The following SMURF1 variants were observed in gnomAD, a reference collection of about 807,000 sequenced individuals.
The protein encoded by SMURF1 is E3 ubiquitin-protein ligase SMURF1.
In SMURF1, 44 loss-of-function variants were observed where a neutral mutation model predicts 98.0. That is an observed-to-expected ratio of 0.45 (90% CI 0.35 to 0.58). The LOEUF (loss-of-function observed/expected upper bound fraction) is 0.58, where lower values mean the gene tolerates loss of function less well. SMURF1 is among the 20% of genes least tolerant of loss of function. The pLI is 0.00. For missense variants in SMURF1, 687 were observed against 938.4 expected (o/e 0.73, Z 3.50); for synonymous variants, 396 against 374.9 (o/e 1.06, Z -0.65).
At position 99,041,871 on chromosome 7, in the gene SMURF1, T is replaced by C. The variant is rs896260070; in HGVS notation, c.1371+247A>G. Among the ~76,000 whole-genome samples, 25 of 152,186 alleles carry C rather than the reference T, an allele frequency of 1.6e-4. 1 individual carries two copies. Among genetic ancestry groups the C allele is most frequent in the Non-Finnish European group, 4.4e-5 (3 of 68,030 alleles). ...CCCTCAAATGATCACAAAGTGTGAG[T>C]GTATGAACAGCTCAGTTTCACCCTT... On this transcript the variant is annotated intron_variant, in intron 12 of 17. Transcript: ENST00000361368.
chr7:99,050,903 G>C, intron 8 of SMURF1: 4 of 1,265,518 alleles, frequency 3.2e-6, no homozygotes, highest in Non-Finnish European at 3.3e-6. Context: ...GTGGGGGGGG[G>C]GTCTCTCTAA....
chr7:99,051,508 C>T (rs1584461056), intron 7 of SMURF1, 67 bp from the exon 8 acceptor site: 7 of 1,216,328 alleles, frequency 5.8e-6, no homozygotes, highest in East Asian at 2.3e-5. Context: ...AACCAACCCT[C>T]GATGCCCTCA....
chr7:99,061,516 A>G, intron 2 of SMURF1, among the ~76,000 whole-genome samples: 1 of 152,252 alleles, frequency 6.6e-6, no homozygotes, highest in East Asian at 1.9e-4. Context: ...ATCATCCAGC[A>G]GAAAGCAATA....
chr7:99,067,823 G>A (rs1380940297), intron 1 of SMURF1, among the ~76,000 whole-genome samples: 3 of 151,992 alleles, frequency 2.0e-5, no homozygotes, highest in Non-Finnish European at 4.4e-5. Context: ...GCGTGGTGGC[G>A]GGTACCTGTA....
At chr7:99,101,142 G>T (rs576314335) in intron 1 of SMURF1, among the ~76,000 whole-genome samples, 53 of 152,228 alleles carry the variant, frequency 3.5e-4, no homozygotes, top group Non-Finnish European at 2.4e-4. Context: ...AATATGGGGG[G>T]GTAGGGAATA....
At chr7:99,065,170 T>G (rs1057419093) in intron 1 of SMURF1, among the ~76,000 whole-genome samples, 1 of 151,924 alleles carries the variant, frequency 6.6e-6, no homozygotes, top group Non-Finnish European at 1.5e-5. Context: ...CACAGCTCAC[T>G]GCAGCCTTGA....
chr7:99,103,667 T>C (rs1198720681), intron 1 of SMURF1, among the ~76,000 whole-genome samples: 1 of 152,184 alleles, frequency 6.6e-6, no homozygotes, highest in Non-Finnish European at 1.5e-5. Context: ...ACAACTTATT[T>C]TATCAATGCT....
At chr7:99,113,837 T>TAAAAAAAAAAAAA (rs71118659) in intron 1 of SMURF1, among the ~76,000 whole-genome samples, 1 of 33,950 alleles carries the variant, frequency 2.9e-5, no homozygotes, top group African/African-American at 1.5e-4. Flanking sequence ...AGACTCCGTC[T>TAAAAAAAAAAAAA]AAAAAAAAAA....
intron 1 of SMURF1, among the ~76,000 whole-genome samples, chr7:99,110,688 C>T (rs1797298382): frequency 6.6e-6 from 1 of 152,346 alleles, no homozygotes; most frequent in East Asian, 1.9e-4. Context: ...TTTTTAAATG[C>T]ATGTGCCGTT....
intron 1 of SMURF1, among the ~76,000 whole-genome samples, chr7:99,131,881 A>G (rs981087482): frequency 6.6e-6 from 1 of 152,152 alleles, no homozygotes; most frequent in African/African-American, 2.4e-5. Context: ...GTCTCTCCCA[A>G]GCACTCAGGT....
intron 1 of SMURF1, among the ~76,000 whole-genome samples, chr7:99,119,797 A>AGGAGAAAGAGAGATT (rs1797557999): frequency 6.6e-6 from 1 of 152,198 alleles, no homozygotes; most frequent in Non-Finnish European, 1.5e-5. Context: ...CTATGATTCA[A>AGGAGAAAGAGAGATT]GGAGAAAGAG....
At chr7:99,067,159 G>A (rs368347872) in intron 1 of SMURF1, among the ~76,000 whole-genome samples, 4 of 151,474 alleles carry the variant, frequency 2.6e-5, no homozygotes, top group Non-Finnish European at 4.4e-5. Context: ...CACCATGCCC[G>A]GCTAATTTTT....
chr7:99,035,025 C>T (rs888664776), intron 16 of SMURF1, among the ~76,000 whole-genome samples: 1 of 152,198 alleles, frequency 6.6e-6, no homozygotes, highest in African/African-American at 2.4e-5. Flanking sequence ...GGCAGATGGG[C>T]ACCTTTCGCA....
chr7:99,045,949 C>T, intron 10 of SMURF1, 148 bp from the exon 11 acceptor site: 1 of 630,666 alleles, frequency 1.6e-6, no homozygotes, highest in East Asian at 2.8e-5. Flanking sequence ...TCTTCGGCAT[C>T]TAGTATATTC....
At chr7:99,122,773 T>C (rs1797668636) in intron 1 of SMURF1, among the ~76,000 whole-genome samples, 1 of 114,540 alleles carries the variant, frequency 8.7e-6, no homozygotes, top group Admixed American at 9.3e-5. Flanking sequence ...TTTTTTTACA[T>C]AATTAAAATT....
At chr7:99,133,221 GC>G (rs1397844656) in intron 1 of SMURF1, among the ~76,000 whole-genome samples, 1 of 151,938 alleles carries the variant, frequency 6.6e-6, no homozygotes, top group Admixed American at 6.6e-5. Context: ...GCATTATTTT[GC>G]CCTTACTTTT....
At chr7:99,112,523 G>A (rs1797347013) in intron 1 of SMURF1, among the ~76,000 whole-genome samples, 1 of 152,040 alleles carries the variant, frequency 6.6e-6, no homozygotes, top group Non-Finnish European at 1.5e-5. Flanking sequence ...ACAGGGAGGG[G>A]GAGCATCTCA....
rs1320946379 is a variant in SMURF1, at chr7:99,059,340, G to C, written c.203+1259C>G. Among the ~76,000 whole-genome samples the C allele has an allele frequency of 4.1e-5, 6 of 146,660 alleles. No homozygotes were observed. The East Asian group carries it at 1.2e-3, about 29-fold the overall frequency. ...GTGAACCCGGGAGGCGGAGCTTGCA[G>C]TGAGCCGAGATCCCGCCACTGCACT... On this transcript the variant is annotated intron_variant, in intron 3 of 17. Coordinates refer to ENST00000361368, the MANE Select transcript of SMURF1 (RefSeq NM_181349.3).
chr7:99,030,473 T>C lies in SMURF1; in HGVS notation c.*111A>G, dbSNP rs1041879847. 35 of 887,290 alleles carry C rather than the reference T, an allele frequency of 3.9e-5. No homozygotes were observed. The highest frequency in any genetic ancestry group is 5.6e-5 in the Non-Finnish European group (31 of 550,318). 55.0% of individuals were successfully genotyped at this position (887,290 alleles called of 1,614,324 possible). On this transcript the variant is annotated 3_prime_UTR_variant, in exon 18 of 18. Transcript: ENST00000361368. ...AAAGGAGAGAGACAACCCTTTCCCC[T>C]CAGGTGATCTGGAATTCCAGGGCCT...
Sources: allele counts gnomAD v4.1 joint callset (sites outside exome capture counted in the v4.1 genomes callset), GRCh38; gene constraint gnomAD v4.1.1; transcripts MANE v1.5; gene names NCBI Gene and HGNC (gene_info 2026-07-23, HGNC 2026-07-21).